Variants in FHIT observed in about 807,000 individuals in gnomAD.
FHIT encodes the protein fragile histidine triad diadenosine triphosphatase.
FHIT carries 19 observed loss-of-function variants against 17.9 expected under a neutral mutation model. The ratio of observed to expected loss-of-function variants is 1.06; its 90% CI spans 0.74 to 1.56. The LOEUF (loss-of-function observed/expected upper bound fraction) is 1.56. Among genes scored for constraint, FHIT ranks in the 40% most tolerant of loss-of-function variants. The pLI is 0.00. For synonymous variants in FHIT, 81 were observed against 69.7 expected (o/e 1.16, Z -0.81); for missense variants, 248 against 189.2 (o/e 1.31, Z -1.82).
At chr3:59,894,025 G>A (rs149831932) in intron 8 of FHIT, among the ~76,000 whole-genome samples, 100 of 152,306 alleles carry the variant, frequency 6.6e-4, no homozygotes, top group Admixed American at 3.7e-3. Context: ...CCAGCACTTT[G>A]GGCGGCCAAG....
chr3:60,316,506 T>C (rs1709171988), intron 5 of FHIT, among the ~76,000 whole-genome samples: 1 of 152,194 alleles, frequency 6.6e-6, no homozygotes, highest in Non-Finnish European at 1.5e-5. Flanking sequence ...CCTAAATGTA[T>C]GCAGATCAAG....
At chr3:60,995,558 C>T (rs2030611132) in intron 3 of FHIT, among the ~76,000 whole-genome samples, 1 of 152,062 alleles carries the variant, frequency 6.6e-6, no homozygotes, top group African/African-American at 2.4e-5. Context: ...GCGGTCTTTC[C>T]CTCTCCCCAG....
intron 5 of FHIT, among the ~76,000 whole-genome samples, chr3:60,431,091 G>C (rs948885376): frequency 6.6e-6 from 1 of 151,782 alleles, no homozygotes; most frequent in African/African-American, 2.4e-5. Context: ...GCGCACCTAT[G>C]GTCTAAACTA....
At chr3:60,520,205 C>G (rs2035307131) in intron 5 of FHIT, among the ~76,000 whole-genome samples, 1 of 152,002 alleles carries the variant, frequency 6.6e-6, no homozygotes, top group Non-Finnish European at 1.5e-5. Context: ...ATATTAATGA[C>G]ATACATTTAT....
At chr3:60,355,731 T>A (rs1010463943) in intron 5 of FHIT, among the ~76,000 whole-genome samples, 5 of 152,186 alleles carry the variant, frequency 3.3e-5, no homozygotes, top group Non-Finnish European at 5.9e-5. Flanking sequence ...AATTTTTTTT[T>A]AAATTTATCT....
chr3:59,941,839 G>A (rs1002309053), intron 7 of FHIT, among the ~76,000 whole-genome samples: 2 of 152,198 alleles, frequency 1.3e-5, no homozygotes, highest in Admixed American at 6.5e-5. Flanking sequence ...AGGATATAGT[G>A]TGTTAAGGTG....
At chr3:60,255,043 TGCATTA>T (rs1705919386) in intron 5 of FHIT, among the ~76,000 whole-genome samples, 1 of 152,212 alleles carries the variant, frequency 6.6e-6, no homozygotes. Context: ...GCATGTATTT[TGCATTA>T]GCATTAAGTT....
At chr3:60,348,826 A>G (rs1320621701) in intron 5 of FHIT, among the ~76,000 whole-genome samples, 1 of 152,208 alleles carries the variant, frequency 6.6e-6, no homozygotes. Context: ...CCTATTTGCC[A>G]TCAGCATTAG....
chr3:60,569,753 ATATTT>A (rs1230588908), intron 4 of FHIT, among the ~76,000 whole-genome samples: 5 of 57,244 alleles, frequency 8.7e-5, no homozygotes, highest in African/African-American at 1.4e-4. Flanking sequence ...ATATATATAT[ATATTT>A]TTTTTTTTTT....
chr3:60,411,383 A>G (rs1323265365), intron 5 of FHIT, among the ~76,000 whole-genome samples: 2 of 152,118 alleles, frequency 1.3e-5, no homozygotes, highest in African/African-American at 4.8e-5. Context: ...ACTTGAGTAG[A>G]AAAATAATCC....
intron 5 of FHIT, among the ~76,000 whole-genome samples, chr3:60,475,053 T>C (rs1220766538): frequency 2.1e-5 from 3 of 144,514 alleles, no homozygotes; most frequent in Non-Finnish European, 2.9e-5. Context: ...GTCAGAAATA[T>C]ACAAAATACT....
Position 61,151,428 on chromosome 3 carries a change from C to G in FHIT, c.-164+49189G>C, listed in dbSNP as rs2037385166. Among the ~76,000 whole-genome samples, 3 of 152,150 alleles carry G rather than the reference C, an allele frequency of 2.0e-5. No homozygotes were observed. The South Asian group carries it at 6.2e-4, about 32-fold the overall frequency. ...TCTTAGCATGTTAGCTCTACTTCAA[C>G]TAAGGTTATTTCCCTCTTTTTCTCA... On this transcript the variant is annotated intron_variant, in intron 2 of 9. Transcript: ENST00000492590.
chr3:60,264,750 T>C (rs923242811), intron 5 of FHIT, among the ~76,000 whole-genome samples: 12 of 151,942 alleles, frequency 7.9e-5, no homozygotes, highest in Admixed American at 3.3e-4. Flanking sequence ...CAAGTACATA[T>C]CAATATATCA....
chr3:61,204,082 A>C (rs1428150929), intron 1 of FHIT, among the ~76,000 whole-genome samples: 2 of 152,258 alleles, frequency 1.3e-5, no homozygotes, highest in Non-Finnish European at 2.9e-5. Flanking sequence ...AAAACAAAAG[A>C]AGCAAGTCAC....
chr3:60,548,400 AC>A (rs2036439801), intron 4 of FHIT, among the ~76,000 whole-genome samples: 1 of 152,192 alleles, frequency 6.6e-6, no homozygotes, highest in Non-Finnish European at 1.5e-5. Flanking sequence ...ATAAATACAA[AC>A]TTTTTGAGAG....
intron 4 of FHIT, among the ~76,000 whole-genome samples, chr3:60,736,025 C>G (rs2042126446): frequency 6.6e-6 from 1 of 151,732 alleles, no homozygotes; most frequent in African/African-American, 2.4e-5. Flanking sequence ...ATACAAATGG[C>G]CTATAATCAC....
At chr3:61,053,395 A>T (rs185981676) in intron 2 of FHIT, among the ~76,000 whole-genome samples, 42 of 152,296 alleles carry the variant, frequency 2.8e-4, no homozygotes, top group African/African-American at 9.1e-4. Context: ...GTGGTGGCTC[A>T]CACCTGTAAT....
intron 5 of FHIT, among the ~76,000 whole-genome samples, chr3:60,095,425 T>C (rs1376984582): frequency 6.6e-6 from 1 of 152,216 alleles, no homozygotes; most frequent in East Asian, 1.9e-4. Context: ...CCGTGTACAT[T>C]TCAGAGAAAA....
chr3:59,767,033 T>A (rs901848119), intron 8 of FHIT, among the ~76,000 whole-genome samples: 1 of 152,176 alleles, frequency 6.6e-6, no homozygotes, highest in Non-Finnish European at 1.5e-5. Context: ...TTTTCTGGCA[T>A]CCCAGATGCA....
Sources: gnomAD v4.1 joint callset for allele counts (sites outside exome capture counted in the v4.1 genomes callset) on GRCh38, gnomAD v4.1.1 for gene constraint, MANE v1.5 for transcripts, NCBI Gene and HGNC (gene_info 2026-07-23, HGNC 2026-07-21) for gene names.